MEI1: variants seen among roughly 807,000 people sequenced by gnomAD.
MEI1 encodes the protein meiosis inhibitor protein 1.
A neutral mutation model predicts 146.2 loss-of-function variants in MEI1; 103 were observed. The ratio of observed to expected loss-of-function variants is 0.70; its 90% CI spans 0.60 to 0.83. The LOEUF is 0.83. Ranked by LOEUF, MEI1 falls within the 40% of genes least tolerant of loss-of-function variation. The pLI, the probability that MEI1 is intolerant of heterozygous loss-of-function variation, is 0.00. For missense variants in MEI1, 1,529 were observed against 1,533.0 expected (o/e 1.00, Z 0.04); for synonymous variants, 652 against 628.2 (o/e 1.04, Z -0.57).
chr22:41,774,701 A>C (rs932165898), intron 20 of MEI1, among the ~76,000 whole-genome samples: 1 of 152,174 alleles, frequency 6.6e-6, no homozygotes, highest in African/African-American at 2.4e-5. Context: ...CAGTTTTCTC[A>C]TTTGAAAAAT....
intron 11 of MEI1, among the ~76,000 whole-genome samples, chr22:41,737,970 C>T (rs1357363187): frequency 6.6e-6 from 1 of 152,156 alleles, no homozygotes; most frequent in Non-Finnish European, 1.5e-5. Flanking sequence ...TATTTTGTTA[C>T]CATATTTTCT....
At chr22:41,763,439 G>T (rs567652333) in intron 19 of MEI1, 118 bp downstream of exon 19, 1 of 1,120,560 alleles carries the variant, frequency 8.9e-7, no homozygotes, top group East Asian at 2.4e-5. Context: ...AGACAAAGCG[G>T]AGGTGTTAGG....
At chr22:41,767,123 C>T (rs563307587) in intron 19 of MEI1, among the ~76,000 whole-genome samples, 2 of 152,290 alleles carry the variant, frequency 1.3e-5, no homozygotes, top group South Asian at 4.1e-4. Context: ...GGCTCGTGGA[C>T]GTCTTCCCCA....
chr22:41,774,733 G>C (rs527863265), intron 20 of MEI1, among the ~76,000 whole-genome samples: 2 of 152,328 alleles, frequency 1.3e-5, no homozygotes, highest in African/African-American at 4.8e-5. Context: ...CTATATGGAA[G>C]AGTTATTGTA....
intron 14 of MEI1, among the ~76,000 whole-genome samples, chr22:41,747,659 G>A (rs1353646726): frequency 3.3e-5 from 5 of 151,784 alleles, no homozygotes; most frequent in African/African-American, 9.7e-5. Context: ...AGCCGAGATC[G>A]CACCACTGAT....
intron 4 of MEI1, 111 bp from the exon 5 acceptor site, chr22:41,715,930 G>A: frequency 2.7e-6 from 2 of 740,364 alleles, no homozygotes; most frequent in Non-Finnish European, 4.5e-6. Flanking sequence ...TGCTGACTGT[G>A]GTGAGAGACA....
At chr22:41,744,892 G>A in intron 12 of MEI1, 81 bp from the exon 13 acceptor site, 3 of 703,690 alleles carry the variant, frequency 4.3e-6, no homozygotes, top group Non-Finnish European at 6.4e-6. Flanking sequence ...GTGAGAAGAA[G>A]AGGTCTACAG....
chr22:41,737,044 A>G (rs1343874790), intron 11 of MEI1, among the ~76,000 whole-genome samples: 1 of 152,142 alleles, frequency 6.6e-6, no homozygotes, highest in African/African-American at 2.4e-5. Flanking sequence ...CATTCCTCTG[A>G]TCTGCTTTCT....
chr22:41,753,096 G>A (rs2073878968), intron 16 of MEI1, among the ~76,000 whole-genome samples: 1 of 151,170 alleles, frequency 6.6e-6, no homozygotes, highest in Admixed American at 6.6e-5. Context: ...TTGGCTCACT[G>A]CAACAACCGC....
chr22:41,793,803 C>G, intron 26 of MEI1, 26 bp from the exon 27 acceptor site: 1 of 1,486,600 alleles, frequency 6.7e-7, no homozygotes. Context: ...AAAACCTGAC[C>G]TGATTTTTTT....
chr22:41,704,759 G>A (rs1054849385), intron 2 of MEI1, among the ~76,000 whole-genome samples: 3 of 151,964 alleles, frequency 2.0e-5, no homozygotes, highest in Admixed American at 6.6e-5. Flanking sequence ...CTGTCACCCA[G>A]ACTGGAGTGC....
At chr22:41,780,756 A>T (rs1385586542) in intron 22 of MEI1, among the ~76,000 whole-genome samples, 1 of 151,112 alleles carries the variant, frequency 6.6e-6, no homozygotes, top group Non-Finnish European at 1.5e-5. Flanking sequence ...AATTTTTTGT[A>T]TTTTTTTGTG....
chr22:41,718,286 G>T lies in MEI1; in HGVS notation c.733+12G>T. 1 of 1,611,490 alleles carries T rather than the reference G, an allele frequency of 6.2e-7. No individual in the cohort carries two copies. The highest frequency in any genetic ancestry group is 2.2e-5 in the East Asian group (1 of 44,858). ...GATTAACTGCTTGGGTAAGACATGA[G>T]GCTGGAGAAAAAAGGGAGAATAAGT... On this transcript the variant is annotated intron_variant, in intron 6 of 30. Transcript: ENST00000401548.
chr22:41,741,433 G>T (rs2072860266), intron 11 of MEI1, among the ~76,000 whole-genome samples: 1 of 152,206 alleles, frequency 6.6e-6, no homozygotes, highest in Non-Finnish European at 1.5e-5. Flanking sequence ...AAAGTGAAAA[G>T]ATGGAACTGG....
chr22:41,703,541 T>C, intron 2 of MEI1, 87 bp downstream of exon 2: 2 of 1,268,268 alleles, frequency 1.6e-6, no homozygotes, highest in South Asian at 1.8e-5. Flanking sequence ...TGATCTTAGA[T>C]GATTTAGGTT....
rs57256126 is a variant in MEI1, at chr22:41,734,129, AAAAATAAAATAAAAT to A, written c.1331+1540_1331+1554del. The stretch of plus-strand genomic sequence containing the variant: ...GGTAACAGAGTGAAATTCTGTCTCA[AAAAATAAAATAAAAT>A]AAAATAAAATAAATAAAGTATGCTG... On this transcript the variant is annotated intron_variant, in intron 11 of 30. Coordinates refer to ENST00000401548, the MANE Select transcript of MEI1 (RefSeq NM_152513.4). Among the ~76,000 whole-genome samples, 30 of 150,918 alleles carry A rather than the reference AAAAATAAAATAAAAT, an allele frequency of 2.0e-4. No homozygotes were observed. In the South Asian group the frequency reaches 6.2e-3, roughly 31 times the overall value.
At chr22:41,798,315 G>A (rs1341495147) in intron 30 of MEI1, among the ~76,000 whole-genome samples, 1 of 148,790 alleles carries the variant, frequency 6.7e-6, no homozygotes, top group Admixed American at 6.7e-5. Flanking sequence ...AGTGGCTCAC[G>A]CCTGTAATCC....
At chr22:41,711,071 T>C (rs967258706) in intron 3 of MEI1, among the ~76,000 whole-genome samples, 4 of 152,228 alleles carry the variant, frequency 2.6e-5, no homozygotes, top group African/African-American at 9.6e-5. Context: ...CTTTAATAGA[T>C]GTTCTTTAGG....
At chr22:41,728,390 G>T (rs765313581) in intron 7 of MEI1, among the ~76,000 whole-genome samples, 1 of 152,292 alleles carries the variant, frequency 6.6e-6, no homozygotes, top group East Asian at 1.9e-4. Context: ...ATAAATTGAG[G>T]TTTATAGTAG....
Sources: gnomAD v4.1 joint callset for allele counts (sites outside exome capture counted in the v4.1 genomes callset) on GRCh38, gnomAD v4.1.1 for gene constraint, MANE v1.5 for transcripts, NCBI Gene and HGNC (gene_info 2026-07-23, HGNC 2026-07-21) for gene names.